Variants in SEMA6D observed in about 807,000 individuals in gnomAD.
SEMA6D encodes semaphorin-6D.
Under a neutral mutation model 106.6 loss-of-function variants are expected in SEMA6D, and 35 were observed. The ratio of observed to expected loss-of-function variants is 0.33; its 90% CI spans 0.25 to 0.44. The LOEUF (loss-of-function observed/expected upper bound fraction) is 0.44. Ranked by LOEUF, SEMA6D falls within the 20% of genes least tolerant of loss-of-function variation. SEMA6D has a pLI of 1.00. For missense variants in SEMA6D, 1,185 were observed against 1,345.9 expected (o/e 0.88, Z 1.87); for synonymous variants, 499 against 487.7 (o/e 1.02, Z -0.31).
intron 1 of SEMA6D, among the ~76,000 whole-genome samples, chr15:47,341,326 G>C (rs2037804345): frequency 6.6e-6 from 1 of 152,088 alleles, no homozygotes; most frequent in African/African-American, 2.4e-5. Context: ...GGAGGTAGAG[G>C]TTGCAGTGAG....
intron 3 of SEMA6D, among the ~76,000 whole-genome samples, chr15:47,581,927 A>G (rs890548800): frequency 6.6e-6 from 1 of 152,138 alleles, no homozygotes; most frequent in African/African-American, 2.4e-5. Context: ...ACATGCAGCC[A>G]TTCCTAGATG....
chr15:47,281,547 A>G (rs1056650277), intron 1 of SEMA6D, among the ~76,000 whole-genome samples: 8 of 151,496 alleles, frequency 5.3e-5, no homozygotes, highest in Admixed American at 1.3e-4. Flanking sequence ...TAATATTGTT[A>G]TGTGTGAATT....
rs994788645 is a variant in SEMA6D, at chr15:47,251,907, A to ATTTT, written c.-239+67512_-239+67515dup. 3.4e-4 allele frequency among the ~76,000 whole-genome samples: 28 copies of ATTTT among 82,000 alleles called. 1 individual carries two copies. Among genetic ancestry groups the ATTTT allele is most frequent in the African/African-American group, 6.4e-4 (12 of 18,652 alleles). The allele number at this position is 82,000 out of a possible 152,430, so 53.8% of individuals were successfully genotyped here. On this transcript the variant is annotated intron_variant, in intron 1 of 19. Coordinates refer to the SEMA6D transcript ENST00000558014. ...TGTATTTTATCCACTTTCTAATTGG[A>ATTTT]TTTTTTTTTTTTTTTTTTTTTTTTT...
At chr15:47,330,546 C>T (rs567187030) in intron 1 of SEMA6D, among the ~76,000 whole-genome samples, 1 of 152,234 alleles carries the variant, frequency 6.6e-6, no homozygotes, top group Non-Finnish European at 1.5e-5. Flanking sequence ...GGTGAGGGAG[C>T]CATAGTTCAT....
chr15:47,682,817 C>T (rs926546504), intron 4 of SEMA6D, among the ~76,000 whole-genome samples: 1 of 152,180 alleles, frequency 6.6e-6, no homozygotes, highest in African/African-American at 2.4e-5. Context: ...GTACGTAAAA[C>T]CCTCCTCACA....
chr15:47,324,499 C>T (rs1030712560), intron 1 of SEMA6D, among the ~76,000 whole-genome samples: 1 of 152,014 alleles, frequency 6.6e-6, no homozygotes, highest in African/African-American at 2.4e-5. Flanking sequence ...TCATAATTAA[C>T]AGCACTCCAT....
At chr15:47,248,016 G>A (rs1044626266) in intron 1 of SEMA6D, among the ~76,000 whole-genome samples, 11 of 152,130 alleles carry the variant, frequency 7.2e-5, no homozygotes, top group African/African-American at 2.7e-4. Context: ...ATTAATATGA[G>A]AAGGAAGTGG....
chr15:47,572,879 A>G (rs957708882), intron 3 of SEMA6D, among the ~76,000 whole-genome samples: 2 of 152,210 alleles, frequency 1.3e-5, no homozygotes, highest in Non-Finnish European at 2.9e-5. Flanking sequence ...AAGGTGAAAC[A>G]ACATCGCATA....
intron 4 of SEMA6D, among the ~76,000 whole-genome samples, chr15:47,638,113 A>G (rs2077424077): frequency 8.1e-6 from 1 of 122,722 alleles, no homozygotes; most frequent in Non-Finnish European, 1.7e-5. Context: ...TGTATCTTAG[A>G]CAAAAAAAAA....
At chr15:47,595,408 A>G (rs1416999882) in intron 3 of SEMA6D, among the ~76,000 whole-genome samples, 1 of 152,230 alleles carries the variant, frequency 6.6e-6, no homozygotes, top group Admixed American at 6.5e-5. Flanking sequence ...CCATCGTTGC[A>G]TCCCTGGGAT....
At chr15:47,766,487 GTTGT>G (rs145748369) in intron 15 of SEMA6D, 125 bp from the exon 16 acceptor site, 189,136 of 775,274 alleles carry the variant, frequency 0.24, 17,670 homozygotes, top group South Asian at 0.27. Context: ...ATGTTAAAAT[GTTGT>G]TTTTTTTTTT....
chr15:47,433,931 T>C (rs753622732), intron 2 of SEMA6D, among the ~76,000 whole-genome samples: 33 of 152,136 alleles, frequency 2.2e-4, no homozygotes, highest in Non-Finnish European at 2.8e-4. Context: ...TTTGAAAATA[T>C]AAACTATGAG....
intron 1 of SEMA6D, among the ~76,000 whole-genome samples, chr15:47,246,009 G>C (rs1255276826): frequency 6.6e-6 from 1 of 152,078 alleles, no homozygotes; most frequent in Admixed American, 6.6e-5. Flanking sequence ...GGTTTCTCAC[G>C]ACCTTTCCCC....
At chr15:47,582,409 CAAAAG>C (rs1298270333) in intron 3 of SEMA6D, among the ~76,000 whole-genome samples, 1 of 152,144 alleles carries the variant, frequency 6.6e-6, no homozygotes, top group Non-Finnish European at 1.5e-5. Context: ...AGTCGGAAGA[CAAAAG>C]AATAAATTTA....
chr15:47,269,881 A>G (rs1654491069), intron 1 of SEMA6D, among the ~76,000 whole-genome samples: 1 of 151,886 alleles, frequency 6.6e-6, no homozygotes, highest in African/African-American at 2.4e-5. Flanking sequence ...TAGCTCATAT[A>G]TACATTTTAA....
intron 1 of SEMA6D, among the ~76,000 whole-genome samples, chr15:47,725,231 T>C (rs574085545): frequency 1.7e-4 from 26 of 152,296 alleles, no homozygotes; most frequent in African/African-American, 5.5e-4. Context: ...TAGTGCATGC[T>C]CATCACTGTA....
chr15:47,185,954 A>G (rs776010198), intron 1 of SEMA6D, among the ~76,000 whole-genome samples: 2 of 152,156 alleles, frequency 1.3e-5, no homozygotes, highest in Non-Finnish European at 2.9e-5. Context: ...AAATTATTAA[A>G]TTATTATGAT....
rs553092686 is a variant in SEMA6D at position 47,273,666 on chromosome 15, A to G, written c.-239+89248A>G. On this transcript the variant is annotated intron_variant, in intron 1 of 19. Transcript: ENST00000558014. ...ACCACTTAGCAACCTTTTCTGTGTCATTCAGGTGTAAATTAGTGAATGTTA... is the reference window on the plus strand; with the variant it reads ...ACCACTTAGCAACCTTTTCTGTGTCGTTCAGGTGTAAATTAGTGAATGTTA... Among the ~76,000 whole-genome samples the G allele has an allele frequency of 5.3e-5, 8 of 152,286 alleles. No individual in the cohort carries two copies. In the East Asian group the frequency reaches 7.7e-4, roughly 15 times the overall value.
intron 1 of SEMA6D, among the ~76,000 whole-genome samples, chr15:47,719,973 A>G (rs999070467): frequency 6.6e-6 from 1 of 152,256 alleles, no homozygotes; most frequent in African/African-American, 2.4e-5. Context: ...CTATATTACC[A>G]TGAACCTAAA....
Sources: gnomAD v4.1 joint callset for allele counts (sites outside exome capture counted in the v4.1 genomes callset) on GRCh38, gnomAD v4.1.1 for gene constraint, MANE v1.5 for transcripts, NCBI Gene and HGNC (gene_info 2026-07-23, HGNC 2026-07-21) for gene names.